Variants in GALNTL5 observed in about 807,000 individuals in gnomAD.
GALNTL5 encodes the protein inactive polypeptide N-acetylgalactosaminyltransferase-like protein 5.
GALNTL5 carries 44 observed loss-of-function variants against 51.0 expected under a neutral mutation model. The ratio of observed to expected loss-of-function variants is 0.86; its 90% CI spans 0.68 to 1.11. GALNTL5 has a LOEUF of 1.11. Ranked by LOEUF, GALNTL5 falls within the 50% of genes least tolerant of loss-of-function variation. The pLI, the probability that GALNTL5 is intolerant of heterozygous loss-of-function variation, is 0.00. For missense variants in GALNTL5, 528 were observed against 531.8 expected, an observed-to-expected ratio of 0.99 and a Z score of 0.07; for synonymous variants, 192 against 182.8, an observed-to-expected ratio of 1.05 and a Z score of -0.41.
intron 4 of GALNTL5, 38 bp from the exon 5 acceptor site, chr7:151,987,121 G>A (rs370910463): frequency 2.4e-5 from 37 of 1,527,574 alleles, no homozygotes; most frequent in African/African-American, 4.2e-5. Context: ...TTCTATAGTT[G>A]CCGTTTATAC....
intron 6 of GALNTL5, among the ~76,000 whole-genome samples, chr7:152,004,340 T>C (rs1344603021): frequency 6.7e-6 from 1 of 150,106 alleles, no homozygotes; most frequent in African/African-American, 2.4e-5. Flanking sequence ...ATATTATACA[T>C]ATTACATATA....
In GALNTL5 at chr7:151,971,034, G is replaced by C. The variant is rs181262306; in HGVS notation, c.337G>C (p.Glu113Gln). The C allele has an allele frequency of 6.2e-7, 1 of 1,611,446 alleles. No homozygotes were observed. Among genetic ancestry groups the C allele is most frequent in the Admixed American group, 1.7e-5 (1 of 59,882 alleles). The change falls in exon 3 of 9, where the codon GAA becomes CAA. Residue 113 changes from glutamate to glutamine, a missense_variant. Coordinates refer to ENST00000392800, the MANE Select transcript of GALNTL5 (RefSeq NM_145292.4). The stretch of plus-strand genomic sequence containing the variant: ...GATTATCAGTAGAAGCTTGGGCATC[G>C]AAAGAGAAGTGCCAGATACCAGGAG... ...NVIISRSLGI[E>Q]REVPDTRSKM...
intron 3 of GALNTL5, among the ~76,000 whole-genome samples, chr7:151,980,907 G>A (rs113568019): frequency 0.35 from 52,179 of 149,944 alleles, 10,529 homozygotes; most frequent in South Asian, 0.48. Context: ...CACTGCGCCC[G>A]GCTAAATTTT....
At chr7:151,980,930 A>G (rs2081275177) in intron 3 of GALNTL5, among the ~76,000 whole-genome samples, 1 of 151,544 alleles carries the variant, frequency 6.6e-6, no homozygotes, top group Non-Finnish European at 1.5e-5. Context: ...TATTTTTAGT[A>G]GAGACGGGGT....
At chr7:151,971,468 AATT>A (rs1283036451) in intron 3 of GALNTL5, among the ~76,000 whole-genome samples, 3 of 152,254 alleles carry the variant, frequency 2.0e-5, no homozygotes, top group Non-Finnish European at 2.9e-5. Context: ...TTGCATTAAT[AATT>A]ATTATGTTAA....
At chr7:152,018,034 CG>C (rs1390801418) in intron 8 of GALNTL5, among the ~76,000 whole-genome samples, 1 of 152,024 alleles carries the variant, frequency 6.6e-6, no homozygotes, top group African/African-American at 2.4e-5. Flanking sequence ...TTAACAGAGA[CG>C]GGGTTTCACC....
intron 3 of GALNTL5, among the ~76,000 whole-genome samples, chr7:151,980,454 T>C (rs1165735365): frequency 1.3e-5 from 2 of 152,182 alleles, no homozygotes; most frequent in Non-Finnish European, 2.9e-5. Flanking sequence ...GTGCAGACGG[T>C]GCAGGTGCCC....
chr7:151,997,881 C>T (rs2081519965), intron 5 of GALNTL5, among the ~76,000 whole-genome samples: 1 of 152,132 alleles, frequency 6.6e-6, no homozygotes, highest in East Asian at 1.9e-4. Context: ...TAAATTATAA[C>T]TGGATTAATG....
chr7:151,979,267 G>A (rs2081247578), intron 3 of GALNTL5, among the ~76,000 whole-genome samples: 2 of 123,040 alleles, frequency 1.6e-5, no homozygotes, highest in South Asian at 3.1e-4. Context: ...CCGCCACCAC[G>A]CCCAGCTAAT....
At chr7:151,998,770 T>TAAA (rs1447916747) in intron 5 of GALNTL5, among the ~76,000 whole-genome samples, 14 of 71,370 alleles carry the variant, frequency 2.0e-4, no homozygotes, top group East Asian at 8.6e-4. Flanking sequence ...AGACTCTATC[T>TAAA]AAAAAAAAAA....
intron 1 of GALNTL5, among the ~76,000 whole-genome samples, chr7:151,966,517 C>A (rs1198703996): frequency 2.6e-5 from 4 of 152,184 alleles, no homozygotes; most frequent in Non-Finnish European, 5.9e-5. Flanking sequence ...GATCCACCTG[C>A]CTCGGCCTCC....
At chr7:152,004,685 A>C (rs147288408) in intron 6 of GALNTL5, among the ~76,000 whole-genome samples, 131 of 152,336 alleles carry the variant, frequency 8.6e-4, no homozygotes, top group Admixed American at 1.6e-3. Flanking sequence ...GTTCCCACTT[A>C]TAAATGAGAA....
chr7:151,979,893 G>C (rs2081257846), intron 3 of GALNTL5, among the ~76,000 whole-genome samples: 1 of 152,136 alleles, frequency 6.6e-6, no homozygotes, highest in Admixed American at 6.5e-5. Context: ...AAACTGAAGG[G>C]ACGCAGTTTA....
intron 4 of GALNTL5, chr7:151,984,161 G>A (rs938842880): frequency 1.3e-5 from 2 of 152,178 alleles, no homozygotes; most frequent in African/African-American, 4.8e-5. Flanking sequence ...AGATGATCTA[G>A]GAATTCCATG....
intron 5 of GALNTL5, among the ~76,000 whole-genome samples, chr7:151,992,866 A>G (rs1442640113): frequency 6.6e-6 from 1 of 151,306 alleles, no homozygotes; most frequent in Non-Finnish European, 1.5e-5. Flanking sequence ...GTAGATGTAA[A>G]TATCTCACAA....
intron 5 of GALNTL5, among the ~76,000 whole-genome samples, chr7:151,997,326 G>A (rs1352877497): frequency 1.3e-5 from 2 of 152,142 alleles, no homozygotes; most frequent in Admixed American, 6.6e-5. Context: ...CCAATAAATA[G>A]CACGGTCCTT....
At chr7:151,965,526 C>T (rs950718569) in intron 1 of GALNTL5, among the ~76,000 whole-genome samples, 5 of 152,074 alleles carry the variant, frequency 3.3e-5, no homozygotes, top group African/African-American at 7.2e-5. Flanking sequence ...ATTTATCAAG[C>T]TCAATCAAAT....
chr7:152,007,236 C>G (rs2081656739), intron 6 of GALNTL5, among the ~76,000 whole-genome samples: 1 of 152,148 alleles, frequency 6.6e-6, no homozygotes, highest in African/African-American at 2.4e-5. Context: ...TTGTCATCCT[C>G]ATGGGAAACT....
chr7:152,008,024 T>C, intron 7 of GALNTL5, 80 bp downstream of exon 7: 3 of 795,614 alleles, frequency 3.8e-6, no homozygotes, highest in Non-Finnish European at 6.5e-6. Context: ...GTAATTATGC[T>C]CAATTTTCCT....
Sources: gnomAD v4.1 joint callset for allele counts (sites outside exome capture counted in the v4.1 genomes callset) on GRCh38, gnomAD v4.1.1 for gene constraint, MANE v1.5 for transcripts, NCBI Gene and HGNC (gene_info 2026-07-23, HGNC 2026-07-21) for gene names.